GCN1: variants seen among roughly 807,000 people sequenced by gnomAD.
GCN1 encodes the protein GCN1 activator of EIF2AK4.
A neutral mutation model predicts 288.4 loss-of-function variants in GCN1; 90 were observed. The observed-to-expected ratio is 0.31, with a 90% CI of 0.26 to 0.37. GCN1 has a LOEUF of 0.37. GCN1 is among the 10% of genes least tolerant of loss of function. The pLI is 1.00. For synonymous variants in GCN1, 1,386 were observed against 1,420.2 expected, an observed-to-expected ratio of 0.98 and a Z score of 0.54; for missense variants, 2,586 against 3,419.9, an observed-to-expected ratio of 0.76 and a Z score of 6.08.
At chr12:120,191,595 G>A (rs1005799644) in intron 1 of GCN1, among the ~76,000 whole-genome samples, 3 of 152,182 alleles carry the variant, frequency 2.0e-5, no homozygotes, top group Admixed American at 1.3e-4. Flanking sequence ...ATAATGCTGA[G>A]TTTTTCGTGC....
chr12:120,188,444 A>AAC (rs2139146266), intron 2 of GCN1, among the ~76,000 whole-genome samples: 1 of 151,166 alleles, frequency 6.6e-6, no homozygotes, highest in African/African-American at 2.4e-5. Context: ...ACCAAAGAAA[A>AAC]AAAAAAAAAA....
At chr12:120,138,995 T>G (rs186837471) in intron 45 of GCN1, 139 bp from the exon 46 acceptor site, 938 of 668,740 alleles carry the variant, frequency 1.4e-3, no homozygotes, top group Non-Finnish European at 2.1e-3. Context: ...TTAACTTAAC[T>G]CTTTACTGTG....
Position 120,178,907 on chromosome 12 carries a change from G to C in GCN1, c.470C>G (p.Ser157Cys). The change falls in exon 6 of 58, where the codon TCC (serine) becomes TGC (cysteine). Residue 157 changes from serine (S) to cysteine (C), a missense_variant. By Grantham distance (112) the Ser-to-Cys change is moderately radical (BLOSUM62 -1). Around this residue, in one of 8 missense-constraint regions of GCN1, gnomAD observed 913 missense variants for 1,107.0 expected, o/e 0.82. Transcript: ENST00000300648. ...CLLLLEVLGG[S>C]HKHAVDGAVK... ...AGCACCATCCACGGCGTGCTTGTGG[G>C]AGCCACCCAGCACCTCCAGCAAGAG... 1 of 1,614,034 alleles carries C rather than the reference G, an allele frequency of 6.2e-7. No individual in the cohort carries two copies. Among genetic ancestry groups the C allele is most frequent in the Non-Finnish European group, 8.5e-7 (1 of 1,180,024 alleles).
In GCN1 at chr12:120,129,571, G is replaced by T. The variant is rs563358777; in HGVS notation, c.7672-77C>A. 1.8e-5 allele frequency: 19 copies of T among 1,043,722 alleles called. No individual in the cohort carries two copies. In the African/African-American group the frequency reaches 2.3e-4, roughly 13 times the overall value. 64.7% of individuals were successfully genotyped at this position (1,043,722 alleles called of 1,614,324 possible). A position where few individuals can be genotyped will look rare whatever the true frequency, so the allele number is the denominator to read the frequency against. On this transcript the variant is annotated intron_variant, in intron 56 of 57. Transcript: ENST00000300648. ...TGAAGCAGCCCAAATGCCCAGCCTC[G>T]ACACTCTCCCTACAGCATGAACACT...
chr12:120,160,683 C>A (rs1877897423), intron 22 of GCN1, among the ~76,000 whole-genome samples: 1 of 152,164 alleles, frequency 6.6e-6, no homozygotes, highest in Non-Finnish European at 1.5e-5. Context: ...GACAACAAGC[C>A]ACAGAACTCA....
intron 15 of GCN1, 99 bp downstream of exon 15, chr12:120,170,070 G>T (rs914082276): frequency 4.7e-5 from 49 of 1,043,006 alleles, no homozygotes; most frequent in Non-Finnish European, 6.4e-5. Flanking sequence ...GATCCAGTGT[G>T]GTCAGGACCA....
In GCN1 at chr12:120,177,430, G is replaced by A. The variant is rs1358264569; in HGVS notation, c.838+17C>T. On this transcript the variant is annotated intron_variant, in intron 9 of 57. Coordinates refer to ENST00000300648, the MANE Select transcript of GCN1 (RefSeq NM_006836.2). ...CAACTCATCTCCCTCCCACCATCCTGGTTGACAGCAACCTACTTTCAATAA... is the reference window on the plus strand; with the variant it reads ...CAACTCATCTCCCTCCCACCATCCTAGTTGACAGCAACCTACTTTCAATAA... 2.3e-6 allele frequency: 3 copies of A among 1,312,340 alleles called. No homozygotes were observed. The highest frequency in any genetic ancestry group is 1.1e-6 in the Non-Finnish European group (1 of 906,142). The allele number at this position is 1,312,340 out of a possible 1,614,324, so 81.3% of individuals were successfully genotyped here.
rs538981682 is a variant in GCN1, at chr12:120,156,724, C to T, written c.3169-120G>A. ...CACTGCAAGGGCTAAGACCCCAGCT[C>T]CAGTGGCAGGACCCAAGCAAAACCC... On this transcript the variant is annotated intron_variant, in intron 27 of 57. Transcript: ENST00000300648. This position sits in a 1 kb window ranked among gnomAD's most constrained non-coding sequence, Gnocchi z 5.8. The T allele has an allele frequency of 1.6e-5, 17 of 1,076,030 alleles. No individual in the cohort carries two copies. In the Admixed American group the frequency reaches 2.5e-4, roughly 16 times the overall value. 66.7% of individuals were successfully genotyped at this position (1,076,030 alleles called of 1,614,324 possible). A position where few individuals can be genotyped will look rare whatever the true frequency, so the allele number is the denominator to read the frequency against.
In GCN1 at chr12:120,137,164, A is replaced by G. The variant is rs752079525; in HGVS notation, c.6777+42T>C. 9 of 1,419,946 alleles carry G rather than the reference A, an allele frequency of 6.3e-6. No homozygotes were observed. Among genetic ancestry groups the G allele is most frequent in the Admixed American group, 3.3e-5 (2 of 59,742 alleles). 88.0% of individuals were successfully genotyped at this position (1,419,946 alleles called of 1,614,324 possible). On this transcript the variant is annotated intron_variant, in intron 50 of 57. Coordinates refer to ENST00000300648, the MANE Select transcript of GCN1 (RefSeq NM_006836.2). The surrounding 1 kb of genome is among the most constrained non-coding windows in gnomAD (Gnocchi z 5.2). ...GGGGTAAGGGCCAGAAGGGCACAAC[A>G]GACTGCACGCCCACAGCCCCCTGCA...
In GCN1 at chr12:120,158,532, C is replaced by G. The variant is rs1566308345; in HGVS notation, c.2833G>C (p.Val945Leu). ...AGCATCACCGCCCTCTTCACAGCCA[C>G]CGACAGCTCTTCCTGGCACCAGGAC... ...DKSWCQEELS[V>L]AVKRAVMLLH... The change falls in exon 25 of 58, where the codon GTG becomes CTG. Residue 945 changes from valine (V) to leucine (L), a missense_variant. Val to Leu is a conservative substitution (Grantham distance 32, BLOSUM62 1). Coordinates refer to ENST00000300648, the MANE Select transcript of GCN1 (RefSeq NM_006836.2). The surrounding 1 kb of genome is among the most constrained non-coding windows in gnomAD (Gnocchi z 4.3). 1 of 1,591,964 alleles carries G rather than the reference C, an allele frequency of 6.3e-7. No individual in the cohort carries two copies. The highest frequency in any genetic ancestry group is 8.6e-7 in the Non-Finnish European group (1 of 1,168,834).
intron 1 of GCN1, among the ~76,000 whole-genome samples, chr12:120,192,731 C>CG (rs1879044454): frequency 9.1e-6 from 1 of 110,178 alleles, no homozygotes; most frequent in African/African-American, 3.8e-5. Context: ...GACTCCGTCT[C>CG]GAAAAAAAAA....
Position 120,129,385 on chromosome 12 carries a change from A to G in GCN1, c.7781T>C (p.Leu2594Pro). Residue 2594 changes from leucine to proline, a missense_variant, in exon 57 of 58, where the codon CTG (leucine) becomes CCG (proline). Leu to Pro is a moderately conservative substitution (Grantham distance 98, BLOSUM62 -3). This residue lies in a region of GCN1 where 355 missense variants were observed against 431.1 expected (regional missense o/e 0.82). Coordinates refer to ENST00000300648, the MANE Select transcript of GCN1 (RefSeq NM_006836.2). The stretch of plus-strand genomic sequence containing the variant: ...CTTGGTGTTGTCAAGAAGAGCCTTC[A>G]GGATGGGCTTGATGGCCTGGGGGTC... ...PLDPQAIKPILKALLDNTKDK... is the reference protein window; with the variant it reads ...PLDPQAIKPIPKALLDNTKDK... 1 of 1,614,134 alleles carries G rather than the reference A, an allele frequency of 6.2e-7. No homozygotes were observed. The highest frequency in any genetic ancestry group is 8.5e-7 in the Non-Finnish European group (1 of 1,179,948).
intron 34 of GCN1, among the ~76,000 whole-genome samples, chr12:120,150,251 G>C (rs1877496919): frequency 6.6e-6 from 1 of 152,124 alleles, no homozygotes; most frequent in African/African-American, 2.4e-5. Context: ...CTGAGCGAAA[G>C]GGAGGACAGC....
Position 120,131,287 on chromosome 12 carries a change from C to T in GCN1, c.7461G>A (p.Leu2487=), listed in dbSNP as rs375413105. The change falls in exon 55 of 58, where the codon CTG becomes CTA. Residue 2487 remains leucine, a synonymous_variant. Coordinates refer to ENST00000300648, the MANE Select transcript of GCN1 (RefSeq NM_006836.2). ...CCACATTCACAGCCACGGAAAGTGC[C>T]AGGCTCCGCCCGTGCCGAACCATCC... ...IDWMVRHGRS[L]ALSVAVNVAP... 1.9e-6 allele frequency: 3 copies of T among 1,613,984 alleles called. No homozygotes were observed. Among genetic ancestry groups the T allele is most frequent in the Non-Finnish European group, 2.5e-6 (3 of 1,180,012 alleles).
At chr12:120,138,210 C>A in intron 47 of GCN1, 113 bp downstream of exon 47, 1 of 924,964 alleles carries the variant, frequency 1.1e-6, no homozygotes, top group South Asian at 1.4e-5. Context: ...GCTTGCACTG[C>A]ACCCTCCTCC....
rs755491512 is a variant in GCN1, at chr12:120,175,147, A to G, written c.1093+15T>C. 20 of 1,570,478 alleles carry G rather than the reference A, an allele frequency of 1.3e-5. No homozygotes were observed. In the East Asian group the frequency reaches 1.3e-4, roughly 11 times the overall value. ...CTCTCAAAAAAAAAAAAAAAAAAAA[A>G]AAGAAATCCTATACCTGAGAGGACG... On this transcript the variant is annotated intron_variant, in intron 12 of 57. Coordinates refer to ENST00000300648, the MANE Select transcript of GCN1 (RefSeq NM_006836.2).
intron 57 of GCN1, 87 bp downstream of exon 57, chr12:120,129,189 G>A (rs1876727686): frequency 1.9e-6 from 2 of 1,033,344 alleles, no homozygotes; most frequent in Middle Eastern, 3.1e-4. Flanking sequence ...GCAGAGAAGA[G>A]CCTGTGGTTT....
chr12:120,128,031 T>C, intron 57 of GCN1, 57 bp from the exon 58 acceptor site: 1 of 1,589,564 alleles, frequency 6.3e-7, no homozygotes, highest in African/African-American at 1.3e-5. Context: ...TGCCACGTTC[T>C]CCAATTGGAG....
Position 120,155,481 on chromosome 12 carries a change from G to A in GCN1, c.3441-51C>T. ...GCTTAGACAAAGATCTGCAGCACTT[G>A]CCCTGCCAGCCCAGCCCTTCTTCCC... is the stretch of plus-strand genomic sequence containing the variant. On this transcript the variant is annotated intron_variant, in intron 29 of 57. Transcript: ENST00000300648. This position sits in a 1 kb window ranked among gnomAD's most constrained non-coding sequence, Gnocchi z 4.9. 1 of 1,600,202 alleles carries A rather than the reference G, an allele frequency of 6.2e-7. No homozygotes were observed. The highest frequency in any genetic ancestry group is 1.3e-5 in the African/African-American group (1 of 74,794).
Sources: gnomAD v4.1 joint callset for allele counts (sites outside exome capture counted in the v4.1 genomes callset) on GRCh38, gnomAD v4.1.1 for gene constraint, gnomAD v4.1.1 regional missense constraint, Gnocchi (gnomAD v3.1) non-coding constraint, MANE v1.5 for transcripts, NCBI Gene and HGNC (gene_info 2026-07-23, HGNC 2026-07-21) for gene names.